LYZL4: variants seen among roughly 807,000 people sequenced by gnomAD.
The protein encoded by LYZL4 is lysozyme like 4, also known as lysozyme-like protein 4.
Under a neutral mutation model 17.6 loss-of-function variants are expected in LYZL4, and 13 were observed. That is an observed-to-expected ratio of 0.74 (90% CI 0.48 to 1.18). The LOEUF is 1.18. Among genes scored for constraint, LYZL4 ranks in the 50% most tolerant of loss-of-function variants. The pLI, the probability that LYZL4 is intolerant of heterozygous loss-of-function variation, is 0.00. For synonymous variants in LYZL4, 64 were observed against 67.7 expected, an observed-to-expected ratio of 0.95 and a Z score of 0.27; for missense variants, 174 against 188.2, an observed-to-expected ratio of 0.92 and a Z score of 0.44.
the LYZL4 span, among the ~76,000 whole-genome samples, chr3:42,374,904 C>A: frequency 6.6e-6 from 1 of 152,084 alleles, no homozygotes; most frequent in Non-Finnish European, 1.5e-5. Flanking sequence ...CCCACTGAAG[C>A]CTCAACCCAT....
chr3:42,409,121 A>G (rs779638134), intron 1 of LYZL4, among the ~76,000 whole-genome samples: 18 of 152,234 alleles, frequency 1.2e-4, no homozygotes, highest in Non-Finnish European at 2.2e-4. Context: ...GCCTGGGTCC[A>G]AGTTCCAGCT....
At chr3:42,366,988 G>A in the LYZL4 span, among the ~76,000 whole-genome samples, 3 of 152,176 alleles carry the variant, frequency 2.0e-5, no homozygotes, top group South Asian at 2.1e-4. Flanking sequence ...ACCATTTGCC[G>A]AGTGATCAAG....
chr3:42,409,988 C>A (rs924159917), intron 1 of LYZL4, among the ~76,000 whole-genome samples: 1 of 152,194 alleles, frequency 6.6e-6, no homozygotes, highest in Non-Finnish European at 1.5e-5. Flanking sequence ...ACCAGCCATT[C>A]CTTCTACCTG....
the LYZL4 span, among the ~76,000 whole-genome samples, chr3:42,382,200 C>T: frequency 7.2e-5 from 11 of 152,216 alleles, no homozygotes; most frequent in African/African-American, 2.7e-4. Flanking sequence ...GTGGATTGGG[C>T]TGTGCAATGT....
At chr3:42,368,596 ATTTTTTT>A in the LYZL4 span, among the ~76,000 whole-genome samples, 2 of 151,462 alleles carry the variant, frequency 1.3e-5, no homozygotes, top group African/African-American at 2.4e-5. Context: ...TGTTGGATAG[ATTTTTTT>A]TTCAAATTTC....
At chr3:42,370,933 T>C in the LYZL4 span, among the ~76,000 whole-genome samples, 1 of 152,132 alleles carries the variant, frequency 6.6e-6, no homozygotes, top group Non-Finnish European at 1.5e-5. Context: ...TTTCCCCATC[T>C]CCTTTTGTCT....
the LYZL4 span, among the ~76,000 whole-genome samples, chr3:42,367,292 CAA>C: frequency 6.6e-6 from 1 of 152,100 alleles, no homozygotes; most frequent in Non-Finnish European, 1.5e-5. Flanking sequence ...ATAACAACAA[CAA>C]ATATAAATCC....
chr3:42,401,646 A>T (rs1027328631), intron 4 of LYZL4, among the ~76,000 whole-genome samples: 1 of 152,216 alleles, frequency 6.6e-6, no homozygotes, highest in Admixed American at 6.5e-5. Flanking sequence ...AAGAGAGATT[A>T]AAAAAAGACA....
intron 3 of LYZL4, among the ~76,000 whole-genome samples, chr3:42,405,250 G>A (rs1372839483): frequency 6.6e-6 from 1 of 152,116 alleles, no homozygotes; most frequent in East Asian, 1.9e-4. Context: ...GGGTTTCACC[G>A]TGTTAGCCAG....
the LYZL4 span, among the ~76,000 whole-genome samples, chr3:42,376,224 C>T: frequency 6.6e-6 from 1 of 152,238 alleles, no homozygotes; most frequent in Non-Finnish European, 1.5e-5. Flanking sequence ...GTGGAATCCA[C>T]CCTTCGCAGG....
At chr3:42,378,238 A>G in the LYZL4 span, among the ~76,000 whole-genome samples, 4 of 152,182 alleles carry the variant, frequency 2.6e-5, no homozygotes, top group African/African-American at 9.7e-5. Flanking sequence ...TCTCTATTAC[A>G]GGGGCCTACA....
intron 4 of LYZL4, among the ~76,000 whole-genome samples, chr3:42,398,771 T>C (rs1023118076): frequency 1.3e-5 from 2 of 152,160 alleles, no homozygotes; most frequent in Non-Finnish European, 2.9e-5. Context: ...GGCTTACAAT[T>C]TTGGCGTACA....
the LYZL4 span, among the ~76,000 whole-genome samples, chr3:42,370,762 T>A: frequency 6.6e-6 from 1 of 152,232 alleles, no homozygotes; most frequent in Non-Finnish European, 1.5e-5. Context: ...TTCTAATAAA[T>A]TCCTCTCTTT....
chr3:42,388,196 G>A, the LYZL4 span, among the ~76,000 whole-genome samples: 1 of 152,188 alleles, frequency 6.6e-6, no homozygotes. Flanking sequence ...TGAAATGTGG[G>A]CAGTTAGAAA....
At chr3:42,406,632 C>T (rs1698758829) in intron 3 of LYZL4, among the ~76,000 whole-genome samples, 1 of 152,094 alleles carries the variant, frequency 6.6e-6, no homozygotes, top group Non-Finnish European at 1.5e-5. Flanking sequence ...TCCATCACTC[C>T]ATCCTAGGTT....
chr3:42,377,625 C>CTGTGTGTGTGTG, the LYZL4 span, among the ~76,000 whole-genome samples: 707 of 143,768 alleles, frequency 4.9e-3, 9 homozygotes, highest in Admixed American at 0.017. Flanking sequence ...GCATGACTCT[C>CTGTGTGTGTGTG]TGTGTGTGTG....
chr3:42,371,512 T>C, the LYZL4 span, among the ~76,000 whole-genome samples: 2 of 152,220 alleles, frequency 1.3e-5, no homozygotes, highest in Non-Finnish European at 2.9e-5. Flanking sequence ...ACGTGGTTCT[T>C]TTGATCTGGA....
chr3:42,380,850 T>C, the LYZL4 span, among the ~76,000 whole-genome samples: 12 of 152,350 alleles, frequency 7.9e-5, no homozygotes, highest in Non-Finnish European at 1.3e-4. Flanking sequence ...CCCTGGGTCT[T>C]ATTTTGGCCC....
chr3:42,405,296 T>C (rs947499929), intron 3 of LYZL4, among the ~76,000 whole-genome samples: 3 of 152,140 alleles, frequency 2.0e-5, no homozygotes, highest in Non-Finnish European at 4.4e-5. Flanking sequence ...GATCCGCCCA[T>C]CTCGGCCTCC....
Sources: allele counts gnomAD v4.1 joint callset (sites outside exome capture counted in the v4.1 genomes callset), GRCh38; gene constraint gnomAD v4.1.1; transcripts MANE v1.5; gene names NCBI Gene and HGNC (gene_info 2026-07-23, HGNC 2026-07-21).